The following GSTA5 variants were observed in gnomAD, a reference collection of about 807,000 sequenced individuals.
GSTA5 encodes glutathione S-transferase alpha 5.
Under a neutral mutation model 21.8 loss-of-function variants are expected in GSTA5, and 25 were observed. The ratio of observed to expected loss-of-function variants is 1.14; its 90% confidence interval spans 0.83 to 1.60. The LOEUF (loss-of-function observed/expected upper bound fraction) is 1.60. Among genes scored for constraint, GSTA5 ranks in the 40% most tolerant of loss-of-function variants. GSTA5 has a pLI of 0.00. For missense variants in GSTA5, 330 were observed against 259.2 expected (o/e 1.27, Z -1.88); for synonymous variants, 102 against 89.5 (o/e 1.14, Z -0.78).
chr6:52,844,084 T>C (rs1388318279), upstream of GSTA5, among the ~76,000 whole-genome samples: 3 of 152,120 alleles, frequency 2.0e-5, no homozygotes, highest in African/African-American at 2.4e-5. Flanking sequence ...GTGTCTACCT[T>C]CTGCAACAAC....
chr6:52,840,733 T>G, exon 1 of GSTA5: 1 of 1,613,956 alleles, frequency 6.2e-7, no homozygotes, highest in Non-Finnish European at 8.5e-7. Context: ...CTACCTCTAC[T>G]CCAGCTGCAG....
intron 1 of GSTA5, 108 bp downstream of exon 1, chr6:52,840,619 A>C: frequency 9.6e-7 from 1 of 1,046,122 alleles, no homozygotes; most frequent in South Asian, 1.4e-5. Context: ...GTCCATTTTT[A>C]TTTAAGGCAC....
chr6:52,836,411 A>G, intron 2 of GSTA5, 43 bp from the exon 3 acceptor site: 8 of 1,593,002 alleles, frequency 5.0e-6, no homozygotes, highest in Non-Finnish European at 6.8e-6. Flanking sequence ...TGTCTATGAA[A>G]CCCACCCTTT....
At chr6:52,837,493 G>C (rs1764309392) in intron 2 of GSTA5, 65 bp downstream of exon 2, 1 of 1,045,438 alleles carries the variant, frequency 9.6e-7, no homozygotes, top group Non-Finnish European at 1.5e-6. Context: ...ATTCCTGGCT[G>C]CTCAACGTTC....
At chr6:52,833,125 C>A in intron 4 of GSTA5, 135 bp from the exon 5 acceptor site, 1 of 986,192 alleles carries the variant, frequency 1.0e-6, no homozygotes, top group Non-Finnish European at 1.6e-6. Flanking sequence ...CCCAAGCTTT[C>A]TCCACATTAT....
chr6:52,838,582 G>A (rs989755616), intron 1 of GSTA5, among the ~76,000 whole-genome samples: 1 of 152,168 alleles, frequency 6.6e-6, no homozygotes, highest in Non-Finnish European at 1.5e-5. Context: ...CAGCAACAAG[G>A]CTGTCTCAAT....
chr6:52,839,239 C>T (rs1338872740), intron 1 of GSTA5, among the ~76,000 whole-genome samples: 1 of 152,164 alleles, frequency 6.6e-6, no homozygotes. Context: ...GAAGCCTGAG[C>T]AAGGTCTGCA....
intron 1 of GSTA5, among the ~76,000 whole-genome samples, chr6:52,837,928 G>T (rs958120221): frequency 6.6e-6 from 1 of 152,202 alleles, no homozygotes; most frequent in African/African-American, 2.4e-5. Flanking sequence ...TTATGGTGTT[G>T]TCATATCTTA....
intron 5 of GSTA5, among the ~76,000 whole-genome samples, chr6:52,832,574 A>G (rs1275274522): frequency 2.0e-5 from 3 of 152,164 alleles, no homozygotes; most frequent in Non-Finnish European, 4.4e-5. Context: ...AGGAACAGAA[A>G]CCACATTGAA....
chr6:52,833,549 G>A (rs1294256022), intron 4 of GSTA5, among the ~76,000 whole-genome samples: 3 of 152,110 alleles, frequency 2.0e-5, no homozygotes, highest in Non-Finnish European at 2.9e-5. Context: ...ATCGACTCTG[G>A]TTCCTAACCG....
upstream of GSTA5, among the ~76,000 whole-genome samples, chr6:52,843,556 T>C (rs1215462102): frequency 6.6e-6 from 1 of 152,236 alleles, no homozygotes; most frequent in African/African-American, 2.4e-5. Flanking sequence ...CATCAAAATC[T>C]TTTAAATGTC....
At chr6:52,843,816 A>C (rs1408904874), upstream of GSTA5, among the ~76,000 whole-genome samples, 1 of 152,190 alleles carries the variant, frequency 6.6e-6, no homozygotes, top group Non-Finnish European at 1.5e-5. Context: ...CCCCACACTA[A>C]GCTCCCTTAG....
chr6:52,837,729 T>C lies in GSTA5; in HGVS notation c.88-120A>G. The C allele has an allele frequency of 6.9e-6, 5 of 721,158 alleles. No homozygotes were observed. The South Asian group carries it at 9.0e-5, about 13-fold the overall frequency. 44.7% of individuals were successfully genotyped at this position (721,158 alleles called of 1,614,324 possible). A position where few individuals can be genotyped will look rare whatever the true frequency, so the allele number is the denominator to read the frequency against. On this transcript the variant is annotated intron_variant, in intron 1 of 5. Transcript: ENST00000370989. ...TATAAGATTTCTGAGTTTCGCAGGA[T>C]ATACAGAGGGGGCTGGTAATGGCCA...
At chr6:52,836,830 AG>A (rs1227698483) in intron 2 of GSTA5, among the ~76,000 whole-genome samples, 1 of 152,170 alleles carries the variant, frequency 6.6e-6, no homozygotes, top group Non-Finnish European at 1.5e-5. Flanking sequence ...ATTTTTTAAA[AG>A]TTTCCTGTAG....
At chr6:52,838,622 A>T (rs1764324929) in intron 1 of GSTA5, among the ~76,000 whole-genome samples, 1 of 152,246 alleles carries the variant, frequency 6.6e-6, no homozygotes, top group African/African-American at 2.4e-5. Context: ...GGTTGCAGGT[A>T]TTTAATACAG....
At chr6:52,839,569 G>C (rs1011203068) in intron 1 of GSTA5, among the ~76,000 whole-genome samples, 3 of 152,174 alleles carry the variant, frequency 2.0e-5, no homozygotes, top group Non-Finnish European at 2.9e-5. Flanking sequence ...ACGGCGCTGT[G>C]AGGCTGAAGG....
chr6:52,845,886 C>T, the GSTA5 span, among the ~76,000 whole-genome samples: 1 of 151,990 alleles, frequency 6.6e-6, no homozygotes, highest in African/African-American at 2.4e-5. Flanking sequence ...AAGATGTATC[C>T]AACAGAAAAG....
upstream of GSTA5, chr6:52,840,940 T>G (rs1764366288): frequency 1.2e-6 from 1 of 809,090 alleles, no homozygotes; most frequent in African/African-American, 1.8e-5. Flanking sequence ...AGAACCTGCC[T>G]TCTTCATGAC....
At chr6:52,837,773 A>C (rs767122272) in intron 1 of GSTA5, among the ~76,000 whole-genome samples, 164 bp from the exon 2 acceptor site, 2 of 152,234 alleles carry the variant, frequency 1.3e-5, no homozygotes, top group African/African-American at 2.4e-5. Flanking sequence ...TTTAGACCTA[A>C]TTCATTGAGA....
Sources: gnomAD v4.1 joint callset for allele counts (sites outside exome capture counted in the v4.1 genomes callset) on GRCh38, gnomAD v4.1.1 for gene constraint, MANE v1.5 for transcripts, NCBI Gene and HGNC (gene_info 2026-07-23, HGNC 2026-07-21) for gene names.